Variants in MAP2 observed in about 807,000 individuals in gnomAD.
The protein encoded by MAP2 is microtubule associated protein 2, also known as microtubule-associated protein 2.
In MAP2, 14 loss-of-function variants were observed where a neutral mutation model predicts 137.6. That is an observed-to-expected ratio of 0.10 (90% CI 0.07 to 0.16). MAP2 has a LOEUF of 0.16. MAP2 is among the 10% of genes least tolerant of loss of function. MAP2 has a pLI of 1.00. For missense variants in MAP2, 2,088 were observed against 2,191.5 expected (o/e 0.95, Z 0.94); for synonymous variants, 786 against 782.3 (o/e 1.00, Z -0.08).
At chr2:209,552,882 A>G (rs554385356) in intron 2 of MAP2, among the ~76,000 whole-genome samples, 1 of 152,168 alleles carries the variant, frequency 6.6e-6, no homozygotes, top group African/African-American at 2.4e-5. Flanking sequence ...AAAAAAGAAA[A>G]ATACTTAGTT....
Position 209,694,924 on chromosome 2 carries a change from A to G in MAP2, c.2754A>G (p.Lys918=), listed in dbSNP as rs753055880. 8 of 1,614,056 alleles carry G rather than the reference A, an allele frequency of 5.0e-6. No individual in the cohort carries two copies. Among genetic ancestry groups the G allele is most frequent in the Non-Finnish European group, 5.9e-6 (7 of 1,180,030 alleles). ...LATDLSLIEV[K]LAAAGRVKDE... is the part of the protein sequence containing the mutation. ...CAGACCTTTCACTGATTGAAGTGAA[A>G]CTGGCAGCAGCCGGAAGAGTCAAAG... Residue 918 remains lysine (K), a synonymous_variant, in exon 8 of 16, where the codon AAA becomes AAG. Transcript: ENST00000682079.
intron 7 of MAP2, among the ~76,000 whole-genome samples, chr2:209,689,388 G>A (rs1286882537): frequency 2.0e-5 from 3 of 151,804 alleles, no homozygotes; most frequent in Non-Finnish European, 4.4e-5. Flanking sequence ...TTTATCTGTA[G>A]TCTTTCCCTC....
At chr2:209,552,404 T>C (rs1396493784) in intron 2 of MAP2, among the ~76,000 whole-genome samples, 2 of 152,156 alleles carry the variant, frequency 1.3e-5, no homozygotes, top group Non-Finnish European at 2.9e-5. Flanking sequence ...GAATATAATA[T>C]ATTTAAATAA....
chr2:209,654,993 A>ACACATGACC (rs1440895088), intron 5 of MAP2, among the ~76,000 whole-genome samples: 4 of 152,222 alleles, frequency 2.6e-5, no homozygotes, highest in Admixed American at 1.3e-4. Context: ...ACACAAAAAA[A>ACACATGACC]AATCACTGCA....
chr2:209,500,669 T>G (rs2060264630), intron 1 of MAP2, among the ~76,000 whole-genome samples: 5 of 152,032 alleles, frequency 3.3e-5, no homozygotes, highest in Admixed American at 2.6e-4. Context: ...TCTAACTAAG[T>G]GAACTCTTTA....
chr2:209,682,101 C>T (rs2054841869), intron 7 of MAP2, among the ~76,000 whole-genome samples: 1 of 151,996 alleles, frequency 6.6e-6, no homozygotes, highest in South Asian at 2.1e-4. Flanking sequence ...TTCCTTTTGA[C>T]CTTATGTTTA....
At chr2:209,481,561 G>A (rs1708787648) in intron 1 of MAP2, among the ~76,000 whole-genome samples, 1 of 152,148 alleles carries the variant, frequency 6.6e-6, no homozygotes, top group Non-Finnish European at 1.5e-5. Flanking sequence ...CTATCCTATG[G>A]CTGAGGCTGG....
At chr2:209,636,565 A>T (rs903009035) in intron 4 of MAP2, among the ~76,000 whole-genome samples, 5 of 90,512 alleles carry the variant, frequency 5.5e-5, no homozygotes, top group African/African-American at 1.2e-4. Context: ...CGTATATATT[A>T]TATATATATA....
intron 1 of MAP2, among the ~76,000 whole-genome samples, chr2:209,436,006 CAGTATATATT>C (rs1559159592): frequency 1.5e-5 from 1 of 66,784 alleles, no homozygotes; most frequent in Non-Finnish European, 2.4e-5. Context: ...ACTATATATA[CAGTATATATT>C]ATATATAAAA....
chr2:209,579,936 T>C (rs940116146), intron 2 of MAP2, 100 bp from the exon 3 acceptor site: 10 of 151,876 alleles, frequency 6.6e-5, no homozygotes, highest in Non-Finnish European at 1.2e-4. Context: ...TATTTGAGTA[T>C]AAAGAATGCA....
chr2:209,565,171 T>C (rs2073112813), intron 2 of MAP2, among the ~76,000 whole-genome samples: 1 of 152,314 alleles, frequency 6.6e-6, no homozygotes, highest in East Asian at 1.9e-4. Flanking sequence ...TTAAGCTGCC[T>C]GGATAACATG....
intron 3 of MAP2, among the ~76,000 whole-genome samples, chr2:209,624,184 G>T (rs976537062): frequency 6.6e-6 from 1 of 152,054 alleles, no homozygotes; most frequent in Non-Finnish European, 1.5e-5. Flanking sequence ...TTTGAGTCTG[G>T]GTTCCTTACC....
intron 4 of MAP2, among the ~76,000 whole-genome samples, chr2:209,625,346 G>A (rs1448270101): frequency 6.6e-6 from 1 of 152,154 alleles, no homozygotes; most frequent in East Asian, 1.9e-4. Flanking sequence ...TTAATAGTAA[G>A]AAAATGACAA....
At chr2:209,655,995 A>G (rs2153617388) in intron 5 of MAP2, among the ~76,000 whole-genome samples, 1 of 152,348 alleles carries the variant, frequency 6.6e-6, no homozygotes, top group African/African-American at 2.4e-5. Context: ...ATAAGATCAC[A>G]TGATAAATAA....
intron 3 of MAP2, among the ~76,000 whole-genome samples, chr2:209,624,592 G>A (rs570314115): frequency 3.9e-5 from 6 of 152,198 alleles, no homozygotes; most frequent in African/African-American, 1.4e-4. Context: ...TTAATGAGTT[G>A]TTAAAAAATT....
At chr2:209,690,978 T>C in intron 7 of MAP2, 1 of 901,824 alleles carries the variant, frequency 1.1e-6, no homozygotes, top group South Asian at 1.7e-5. Flanking sequence ...TCCACTGTTG[T>C]AGGCTTAATG....
intron 1 of MAP2, among the ~76,000 whole-genome samples, chr2:209,472,078 T>C (rs963952143): frequency 6.6e-6 from 1 of 152,188 alleles, no homozygotes; most frequent in African/African-American, 2.4e-5. Context: ...TAACTATTGA[T>C]TTTTTTAATA....
Position 209,529,351 on chromosome 2 carries a change from G to A in MAP2, c.-172+21710G>A, listed in dbSNP as rs564050185. The stretch of plus-strand genomic sequence containing the variant: ...CCGACTTATAGTTAATGCATTGTAC[G>A]TCAATTAACATGAATAAGTAAACTT... On this transcript the variant is annotated intron_variant, in intron 2 of 15. Transcript: ENST00000682079. 5.3e-5 allele frequency among the ~76,000 whole-genome samples: 8 copies of A among 152,212 alleles called. No homozygotes were observed. In the South Asian group the frequency reaches 1.0e-3, roughly 20 times the overall value.
intron 4 of MAP2, among the ~76,000 whole-genome samples, chr2:209,638,618 G>A (rs1017273000): frequency 6.6e-6 from 1 of 152,024 alleles, no homozygotes; most frequent in East Asian, 1.9e-4. Flanking sequence ...GATGTAGTAG[G>A]TTAGTATACT....
Sources: allele counts gnomAD v4.1 joint callset (sites outside exome capture counted in the v4.1 genomes callset), GRCh38; gene constraint gnomAD v4.1.1; transcripts MANE v1.5; gene names NCBI Gene and HGNC (gene_info 2026-07-23, HGNC 2026-07-21).